The following NDST4 variants were observed in gnomAD, a reference collection of about 807,000 sequenced individuals.
NDST4 encodes the protein N-deacetylase and N-sulfotransferase 4, also known as N-heparan sulfate sulfotransferase 4.
NDST4 carries 63 observed loss-of-function variants against 100.8 expected under a neutral mutation model. That is an observed-to-expected ratio of 0.62 (90% CI 0.51 to 0.77). The LOEUF (loss-of-function observed/expected upper bound fraction) is 0.77, where lower values mean the gene tolerates loss of function less well. NDST4 is among the 30% of genes least tolerant of loss of function. The probability of loss-of-function intolerance (pLI) is 0.00; values close to 1 mark genes in which losing one functional copy is unlikely to be tolerated. For synonymous variants in NDST4, 377 were observed against 361.8 expected (o/e 1.04, Z -0.48); for missense variants, 943 against 1,018.4 (o/e 0.93, Z 1.01).
At chr4:115,034,772 C>A (rs1176771336) in intron 2 of NDST4, among the ~76,000 whole-genome samples, 1 of 152,080 alleles carries the variant, frequency 6.6e-6, no homozygotes, top group African/African-American at 2.4e-5. Flanking sequence ...CTGCTCCAAC[C>A]TGATTACTGA....
intron 7 of NDST4, among the ~76,000 whole-genome samples, chr4:114,861,748 C>T (rs1026876913): frequency 2.0e-5 from 3 of 151,986 alleles, no homozygotes; most frequent in African/African-American, 7.3e-5. Context: ...CCTAATTTAA[C>T]ACATTTCTGT....
At chr4:115,014,140 A>T (rs1470319772) in intron 2 of NDST4, among the ~76,000 whole-genome samples, 1 of 152,066 alleles carries the variant, frequency 6.6e-6, no homozygotes, top group Non-Finnish European at 1.5e-5. Flanking sequence ...CTTCATCCTT[A>T]TCAATAAGGC....
chr4:114,859,326 G>A (rs1457022131), intron 7 of NDST4, among the ~76,000 whole-genome samples: 1 of 152,148 alleles, frequency 6.6e-6, no homozygotes, highest in East Asian at 1.9e-4. Flanking sequence ...GACAAAATGG[G>A]AGAAAATAAT....
At chr4:115,081,419 A>G (rs956199183) in intron 1 of NDST4, among the ~76,000 whole-genome samples, 15 of 152,128 alleles carry the variant, frequency 9.9e-5, no homozygotes, top group African/African-American at 3.6e-4. Context: ...ATTGTTTAGG[A>G]TGCCAAAAAG....
rs114503643 is a variant in NDST4, at chr4:114,928,592, C to G, written c.1536+6614G>C. Among the ~76,000 whole-genome samples the G allele has an allele frequency of 4.2e-3, 645 of 152,230 alleles. 4 individuals are homozygous for G. Among genetic ancestry groups the G allele is most frequent in the Admixed American group, 8.6e-3 (131 of 15,298 alleles). On this transcript the variant is annotated intron_variant, in intron 6 of 13. Coordinates refer to ENST00000264363, the MANE Select transcript of NDST4 (RefSeq NM_022569.3). ...TCAACTTGACTAGACCAGGAAATGG[C>G]AAGATATTTGGTCAGACCTTATTTT...
chr4:114,879,569 T>C (rs1426876091), intron 6 of NDST4, among the ~76,000 whole-genome samples: 2 of 152,168 alleles, frequency 1.3e-5, no homozygotes, highest in Non-Finnish European at 2.9e-5. Flanking sequence ...ATTCCCTCAG[T>C]CTCACATTAC....
chr4:114,985,041 G>C (rs1726869194), intron 2 of NDST4, among the ~76,000 whole-genome samples: 1 of 152,094 alleles, frequency 6.6e-6, no homozygotes, highest in Non-Finnish European at 1.5e-5. Flanking sequence ...CATGTTAAAT[G>C]GTTTAGCTCA....
At chr4:114,882,100 G>A (rs1043270177) in intron 6 of NDST4, among the ~76,000 whole-genome samples, 1 of 150,474 alleles carries the variant, frequency 6.6e-6, no homozygotes, top group African/African-American at 2.4e-5. Context: ...TCTCACACAT[G>A]TTTACTCTCT....
At chr4:115,102,108 AATG>A (rs1729741854) in intron 1 of NDST4, among the ~76,000 whole-genome samples, 1 of 152,216 alleles carries the variant, frequency 6.6e-6, no homozygotes, top group Non-Finnish European at 1.5e-5. Flanking sequence ...AGCCAGCAGC[AATG>A]ATTATCATCA....
chr4:114,837,717 G>T (rs1407307818), intron 11 of NDST4, among the ~76,000 whole-genome samples: 1 of 152,124 alleles, frequency 6.6e-6, no homozygotes, highest in Non-Finnish European at 1.5e-5. Flanking sequence ...CTAAAACCAT[G>T]AAAATCCTAG....
At chr4:114,876,748 T>C (rs59064769) in intron 6 of NDST4, among the ~76,000 whole-genome samples, 11,926 of 152,232 alleles carry the variant, frequency 0.078, 511 homozygotes, top group African/African-American at 0.11. Flanking sequence ...TTTAGATACA[T>C]CATTTTGTTT....
intron 2 of NDST4, among the ~76,000 whole-genome samples, chr4:115,031,415 A>G (rs969733572): frequency 6.6e-6 from 1 of 152,076 alleles, no homozygotes; most frequent in Non-Finnish European, 1.5e-5. Context: ...AGCTTGTGCC[A>G]TCCACTCTGA....
chr4:115,027,075 G>T (rs2126268004), intron 2 of NDST4, among the ~76,000 whole-genome samples: 1 of 152,252 alleles, frequency 6.6e-6, no homozygotes, highest in South Asian at 2.1e-4. Flanking sequence ...ATCTATTGGA[G>T]TGTTCATGGG....
chr4:114,969,259 A>AC (rs1726452461), intron 4 of NDST4, among the ~76,000 whole-genome samples: 1 of 141,890 alleles, frequency 7.0e-6, no homozygotes, highest in Non-Finnish European at 1.5e-5. Context: ...GCTTGCAGTG[A>AC]GCCGAGATCC....
intron 3 of NDST4, among the ~76,000 whole-genome samples, chr4:114,974,595 T>G (rs2126242739): frequency 6.6e-6 from 1 of 152,262 alleles, no homozygotes; most frequent in South Asian, 2.1e-4. Context: ...GCTTTTGTTA[T>G]GCAATTCCAT....
chr4:115,056,935 A>C (rs1437406958), intron 2 of NDST4, among the ~76,000 whole-genome samples: 2 of 152,166 alleles, frequency 1.3e-5, no homozygotes, highest in Non-Finnish European at 2.9e-5. Flanking sequence ...AGTAATAACA[A>C]ATTTTGATAA....
In NDST4 at chr4:115,108,640, T is replaced by A. The variant is rs191375878; in HGVS notation, c.-247+4804A>T. Among the ~76,000 whole-genome samples, 190 of 151,606 alleles carry A rather than the reference T, an allele frequency of 1.3e-3. 1 individual carries two copies. The highest frequency in any genetic ancestry group is 4.4e-3 in the African/African-American group (183 of 41,394). ...GATGTGACTGATATTAAAAAGGGAG[T>A]GTTGGAAAAAAAAGAATTCCACTTA... On this transcript the variant is annotated intron_variant, in intron 1 of 13. Coordinates refer to ENST00000264363, the MANE Select transcript of NDST4 (RefSeq NM_022569.3).
chr4:115,009,217 G>T lies in NDST4; in HGVS notation c.979-31943C>A, dbSNP rs868517912. 7.0e-5 allele frequency among the ~76,000 whole-genome samples: 9 copies of T among 128,536 alleles called. 1 individual carries two copies. The highest frequency in any genetic ancestry group is 8.7e-3 in the Middle Eastern group (2 of 230). 84.3% of individuals were successfully genotyped at this position (128,536 alleles called of 152,430 possible). A position where few individuals can be genotyped will look rare whatever the true frequency, so the allele number is the denominator to read the frequency against. On this transcript the variant is annotated intron_variant, in intron 2 of 13. Transcript: ENST00000264363. ...TTCATATGGAACCAAAAAAGAGTCC[G>T]CATCACCAAGTCAATCCTAAGCCAA...
At chr4:114,933,497 A>G (rs1376660316) in intron 6 of NDST4, among the ~76,000 whole-genome samples, 8 of 145,776 alleles carry the variant, frequency 5.5e-5, no homozygotes, top group African/African-American at 1.8e-4. Flanking sequence ...AGCAAAATAG[A>G]CAAATGGGAT....
Sources: gnomAD v4.1 joint callset for allele counts (sites outside exome capture counted in the v4.1 genomes callset) on GRCh38, gnomAD v4.1.1 for gene constraint, MANE v1.5 for transcripts, NCBI Gene and HGNC (gene_info 2026-07-23, HGNC 2026-07-21) for gene names.